The following CCDC192 variants were observed in gnomAD, a reference collection of about 807,000 sequenced individuals.
CCDC192 encodes coiled-coil domain containing 192.
In CCDC192 at chr5:127,786,091, C is replaced by T. The variant is rs1043189165; in HGVS notation, c.223-11012C>T. The T allele has an allele frequency of 2.9e-5, 24 of 840,084 alleles. No individual in the cohort carries two copies. In the Admixed American group the frequency reaches 4.6e-4, roughly 16 times the overall value. 52.0% of individuals were successfully genotyped at this position (840,084 alleles called of 1,614,324 possible). A position where few individuals can be genotyped will look rare whatever the true frequency, so the allele number is the denominator to read the frequency against. ...TCTAGATACAAGATTATACATGTGT[C>T]CCAAATCTTCATTTTTGTCAGCATC... On this transcript the variant is annotated intron_variant, in intron 3 of 6. Transcript: ENST00000514853.
chr5:127,814,419 T>C (rs1028516215), intron 5 of CCDC192, among the ~76,000 whole-genome samples: 4 of 151,892 alleles, frequency 2.6e-5, no homozygotes, highest in Non-Finnish European at 5.9e-5. Flanking sequence ...GCTCAGGAGG[T>C]AACCAAAGTA....
At chr5:127,839,668 A>G (rs540863779) in intron 5 of CCDC192, among the ~76,000 whole-genome samples, 14 of 152,276 alleles carry the variant, frequency 9.2e-5, no homozygotes, top group Non-Finnish European at 1.5e-4. Context: ...GGAAGTGGTC[A>G]AGGGACTGGG....
intron 2 of CCDC192, among the ~76,000 whole-genome samples, chr5:127,750,259 A>G (rs543500823): frequency 6.6e-6 from 1 of 152,262 alleles, no homozygotes; most frequent in East Asian, 1.9e-4. Flanking sequence ...TTAGTGCTAT[A>G]AATTTCCCTC....
chr5:127,941,090 G>A (rs370513463), intron 6 of CCDC192, 92 bp from the exon 7 acceptor site: 21 of 397,938 alleles, frequency 5.3e-5, no homozygotes, highest in African/African-American at 2.1e-4. Flanking sequence ...TTTTAAGAAC[G>A]TGAGAAATGA....
At chr5:127,860,537 C>G (rs1411509858) in intron 5 of CCDC192, among the ~76,000 whole-genome samples, 1 of 152,038 alleles carries the variant, frequency 6.6e-6, no homozygotes, top group African/African-American at 2.4e-5. Flanking sequence ...TAGAACTTTC[C>G]TTGTTTAATT....
At chr5:127,751,477 G>A (rs1242325321) in intron 2 of CCDC192, among the ~76,000 whole-genome samples, 1 of 152,176 alleles carries the variant, frequency 6.6e-6, no homozygotes, top group Non-Finnish European at 1.5e-5. Context: ...TTTCTGCCGA[G>A]AGATCCGCTA....
chr5:127,932,462 C>T (rs575130453), intron 6 of CCDC192, among the ~76,000 whole-genome samples: 1 of 152,248 alleles, frequency 6.6e-6, no homozygotes, highest in African/African-American at 2.4e-5. Flanking sequence ...CTTCGGCCTC[C>T]TAAAGTGCTG....
At chr5:127,734,304 A>G (rs1752834594) in intron 2 of CCDC192, among the ~76,000 whole-genome samples, 3 of 151,806 alleles carry the variant, frequency 2.0e-5, no homozygotes, top group African/African-American at 7.3e-5. Context: ...TATCTGCCAC[A>G]TTTTCTTAAT....
At chr5:127,937,245 A>G (rs959887524) in intron 6 of CCDC192, among the ~76,000 whole-genome samples, 1 of 151,926 alleles carries the variant, frequency 6.6e-6, no homozygotes, top group African/African-American at 2.4e-5. Context: ...TCCTCATGCC[A>G]TCTCTCTTTT....
At chr5:127,803,948 A>G (rs1757642717) in intron 5 of CCDC192, among the ~76,000 whole-genome samples, 1 of 152,202 alleles carries the variant, frequency 6.6e-6, no homozygotes, top group Admixed American at 6.5e-5. Flanking sequence ...AAAGTGTAGG[A>G]CAGATGAGTG....
chr5:127,922,785 A>AC (rs1362265419), intron 6 of CCDC192, among the ~76,000 whole-genome samples: 1 of 151,964 alleles, frequency 6.6e-6, no homozygotes, highest in African/African-American at 2.4e-5. Flanking sequence ...GAAAGCTTAA[A>AC]CATCAATTGC....
At chr5:127,804,247 G>T (rs1398736000) in intron 5 of CCDC192, among the ~76,000 whole-genome samples, 2 of 152,134 alleles carry the variant, frequency 1.3e-5, no homozygotes, top group Non-Finnish European at 2.9e-5. Context: ...TGCTGCCTAA[G>T]CATCCACTGA....
chr5:127,870,641 G>A (rs1178408091), intron 5 of CCDC192, among the ~76,000 whole-genome samples: 2 of 152,174 alleles, frequency 1.3e-5, no homozygotes, highest in African/African-American at 2.4e-5. Flanking sequence ...TGCTGAAAGT[G>A]CGACTAAACG....
At chr5:127,833,223 G>T (rs9285907) in intron 5 of CCDC192, among the ~76,000 whole-genome samples, 60,967 of 151,880 alleles carry the variant, frequency 0.4, 12,347 homozygotes, top group East Asian at 0.53. Context: ...TTCTCCTATG[G>T]CATATAATTT....
intron 6 of CCDC192, among the ~76,000 whole-genome samples, chr5:127,903,922 T>C (rs945521279): frequency 6.6e-6 from 1 of 152,190 alleles, no homozygotes; most frequent in Non-Finnish European, 1.5e-5. Flanking sequence ...GGTAAAATAA[T>C]GACCCTCCCC....
intron 3 of CCDC192, among the ~76,000 whole-genome samples, chr5:127,756,382 A>G (rs1226260526): frequency 6.6e-6 from 1 of 152,122 alleles, no homozygotes; most frequent in Non-Finnish European, 1.5e-5. Context: ...GTTTTTAAAG[A>G]TAATTCGACG....
At chr5:127,731,718 T>C (rs1752650613) in intron 2 of CCDC192, among the ~76,000 whole-genome samples, 1 of 152,154 alleles carries the variant, frequency 6.6e-6, no homozygotes, top group South Asian at 2.1e-4. Flanking sequence ...ACTATGACCA[T>C]CTGATCTTTG....
At chr5:127,744,370 A>G (rs929498544) in intron 2 of CCDC192, among the ~76,000 whole-genome samples, 2 of 151,918 alleles carry the variant, frequency 1.3e-5, no homozygotes, top group South Asian at 4.2e-4. Flanking sequence ...GTCAAGCAGA[A>G]GGAGAGAGGA....
intron 2 of CCDC192, among the ~76,000 whole-genome samples, chr5:127,715,907 T>C (rs1751598447): frequency 6.6e-6 from 1 of 152,206 alleles, no homozygotes; most frequent in Non-Finnish European, 1.5e-5. Flanking sequence ...GCCTAATTGT[T>C]TTGACTAGGG....
Sources: allele counts gnomAD v4.1 joint callset (sites outside exome capture counted in the v4.1 genomes callset), GRCh38; gene constraint gnomAD v4.1.1; transcripts MANE v1.5; gene names NCBI Gene and HGNC (gene_info 2026-07-23, HGNC 2026-07-21).